The following FSTL5 variants were observed in gnomAD, a reference collection of about 807,000 sequenced individuals.
The protein encoded by FSTL5 is follistatin-related protein 5.
In FSTL5, 62 loss-of-function variants were observed where a neutral mutation model predicts 89.1. That is an observed-to-expected ratio of 0.70 (90% CI 0.57 to 0.86). The LOEUF (loss-of-function observed/expected upper bound fraction) is 0.86. FSTL5 is among the 40% of genes least tolerant of loss of function. The pLI, the probability that FSTL5 is intolerant of heterozygous loss-of-function variation, is 0.00. For missense variants in FSTL5, 1,057 were observed against 1,001.6 expected, an observed-to-expected ratio of 1.06 and a Z score of -0.75; for synonymous variants, 383 against 346.2, an observed-to-expected ratio of 1.11 and a Z score of -1.18.
chr4:162,080,826 GC>G (rs1730063196), intron 2 of FSTL5, among the ~76,000 whole-genome samples: 1 of 151,494 alleles, frequency 6.6e-6, no homozygotes, highest in South Asian at 2.1e-4. Context: ...AAATACAGGT[GC>G]TTCTAAAGCA....
intron 11 of FSTL5, among the ~76,000 whole-genome samples, chr4:161,500,992 C>T (rs1018578181): frequency 1.3e-5 from 2 of 152,082 alleles, no homozygotes; most frequent in Non-Finnish European, 2.9e-5. Context: ...TCTTGTAATC[C>T]TTCCTTTTCT....
At chr4:161,420,032 G>A (rs1731927025) in intron 15 of FSTL5, among the ~76,000 whole-genome samples, 1 of 152,234 alleles carries the variant, frequency 6.6e-6, no homozygotes, top group Admixed American at 6.5e-5. Flanking sequence ...ACAGGAAACT[G>A]CTGCTCTGCA....
At chr4:161,429,749 A>T (rs1053014145) in intron 15 of FSTL5, among the ~76,000 whole-genome samples, 3 of 152,198 alleles carry the variant, frequency 2.0e-5, no homozygotes, top group African/African-American at 7.2e-5. Flanking sequence ...CCCAAGAAGG[A>T]TAGTACGAAG....
intron 7 of FSTL5, among the ~76,000 whole-genome samples, chr4:161,597,718 TA>T (rs1734076653): frequency 6.6e-6 from 1 of 150,974 alleles, no homozygotes; most frequent in African/African-American, 2.4e-5. Context: ...TTGTCCTGAG[TA>T]GATACTTGTA....
At position 161,581,286 on chromosome 4, in the gene FSTL5, C is replaced by T. The variant is rs1428980886; in HGVS notation, c.1015+6169G>A. ...GCCTTTAAAACATGTCGCTGTTGCTCCTTGTGCATGAACCACAGTTTGACA... is the reference window on the plus strand; with the variant it reads ...GCCTTTAAAACATGTCGCTGTTGCTTCTTGTGCATGAACCACAGTTTGACA... On this transcript the variant is annotated intron_variant, in intron 8 of 15. Coordinates refer to ENST00000306100, the MANE Select transcript of FSTL5 (RefSeq NM_020116.5). Among the ~76,000 whole-genome samples the T allele has an allele frequency of 5.9e-5, 9 of 152,180 alleles. No individual in the cohort carries two copies. In the South Asian group the frequency reaches 1.2e-3, roughly 21 times the overall value.
At chr4:161,914,669 C>T (rs1733791173) in intron 4 of FSTL5, among the ~76,000 whole-genome samples, 1 of 152,004 alleles carries the variant, frequency 6.6e-6, no homozygotes, top group Admixed American at 6.6e-5. Flanking sequence ...TGATCACCAC[C>T]AATTAGCCTA....
intron 6 of FSTL5, among the ~76,000 whole-genome samples, chr4:161,750,336 G>A (rs1740353233): frequency 6.6e-6 from 1 of 152,064 alleles, no homozygotes; most frequent in African/African-American, 2.4e-5. Flanking sequence ...ATCCAATTGA[G>A]ATATGCTGTA....
In FSTL5 at chr4:161,455,112, C is replaced by T; in HGVS notation, c.1733G>A (p.Ser578Asn). ...SPTLQVITLA[S>N]GNVPHHTIHT... Reference sequence around the variant, plus strand: ...GATCGTGTGGTGAGGCACATTCCCACTGGCCAGGGTAATTACCTAAAGAGA... The same window carrying T: ...GATCGTGTGGTGAGGCACATTCCCATTGGCCAGGGTAATTACCTAAAGAGA... Residue 578 changes from serine to asparagine, a missense_variant, in exon 15 of 16, where the codon AGT becomes AAT. Around this residue, in one of 3 missense-constraint regions of FSTL5, gnomAD observed 980 missense variants for 903.2 expected, o/e 1.08. Coordinates refer to ENST00000306100, the MANE Select transcript of FSTL5 (RefSeq NM_020116.5). 1 of 1,608,746 alleles carries T rather than the reference C, an allele frequency of 6.2e-7. No homozygotes were observed. The highest frequency in any genetic ancestry group is 8.5e-7 in the Non-Finnish European group (1 of 1,177,834).
rs1171119599 is a variant in FSTL5 at position 161,986,081 on chromosome 4, C to A, written c.160+47544G>T. Among the ~76,000 whole-genome samples the A allele has an allele frequency of 4.6e-5, 7 of 152,098 alleles. No individual in the cohort carries two copies. In the South Asian group the frequency reaches 1.5e-3, roughly 32 times the overall value. On this transcript the variant is annotated intron_variant, in intron 3 of 15. Coordinates refer to ENST00000306100, the MANE Select transcript of FSTL5 (RefSeq NM_020116.5). ...AATGTGACTATATTCCTCCTATGTT[C>A]CCACAGACCCTTACACCTAAAGTAA...
intron 5 of FSTL5, among the ~76,000 whole-genome samples, chr4:161,769,213 A>T (rs2126798307): frequency 6.6e-6 from 1 of 152,122 alleles, no homozygotes; most frequent in South Asian, 2.1e-4. Context: ...TCCTTCAGCA[A>T]AAATAAGACT....
chr4:161,900,848 C>T (rs564148121), intron 4 of FSTL5, among the ~76,000 whole-genome samples: 31 of 151,962 alleles, frequency 2.0e-4, no homozygotes, highest in Non-Finnish European at 2.9e-4. Flanking sequence ...AGGATTATTA[C>T]GCTTATTACC....
chr4:161,887,427 C>CTATCTATCTATCT (rs1553976602), intron 4 of FSTL5, among the ~76,000 whole-genome samples: 2 of 24,666 alleles, frequency 8.1e-5, no homozygotes, highest in Admixed American at 4.8e-4. Flanking sequence ...ATCTATCTAT[C>CTATCTATCTATCT]ATCTATCTAC....
intron 15 of FSTL5, among the ~76,000 whole-genome samples, chr4:161,434,922 A>G (rs1487596299): frequency 6.6e-6 from 1 of 152,048 alleles, no homozygotes; most frequent in Non-Finnish European, 1.5e-5. Flanking sequence ...ACAGGCAATA[A>G]CTAATGCTGA....
chr4:161,406,427 C>G (rs1731379024), intron 15 of FSTL5, among the ~76,000 whole-genome samples: 1 of 152,098 alleles, frequency 6.6e-6, no homozygotes, highest in Non-Finnish European at 1.5e-5. Flanking sequence ...TGCTCTGTAG[C>G]TTAATAAGTC....
At chr4:161,648,424 T>C (rs1736225798) in intron 7 of FSTL5, among the ~76,000 whole-genome samples, 1 of 152,124 alleles carries the variant, frequency 6.6e-6, no homozygotes, top group South Asian at 2.1e-4. Flanking sequence ...GCACACCCTG[T>C]TAAGTGGACA....
intron 6 of FSTL5, among the ~76,000 whole-genome samples, chr4:161,686,297 T>C (rs1314224789): frequency 8.0e-6 from 1 of 125,232 alleles, no homozygotes; most frequent in Non-Finnish European, 1.6e-5. Flanking sequence ...TCCCTCTTTC[T>C]CCTTTGCCAT....
chr4:161,527,719 T>C (rs1477984617), intron 10 of FSTL5, among the ~76,000 whole-genome samples: 1 of 151,696 alleles, frequency 6.6e-6, no homozygotes, highest in African/African-American at 2.4e-5. Flanking sequence ...AGTTCAACCA[T>C]TGTGGAAGTC....
intron 2 of FSTL5, among the ~76,000 whole-genome samples, chr4:162,097,771 C>A (rs1579025118): frequency 6.6e-6 from 1 of 151,830 alleles, no homozygotes; most frequent in Non-Finnish European, 1.5e-5. Flanking sequence ...ATGGATAATA[C>A]TACACACTCT....
At chr4:161,785,617 G>A (rs1256141749) in intron 4 of FSTL5, among the ~76,000 whole-genome samples, 1 of 152,148 alleles carries the variant, frequency 6.6e-6, no homozygotes, top group Non-Finnish European at 1.5e-5. Context: ...GCAGCTATAT[G>A]AGAAATGTAT....
Sources: gnomAD v4.1 joint callset for allele counts (sites outside exome capture counted in the v4.1 genomes callset) on GRCh38, gnomAD v4.1.1 for gene constraint, gnomAD v4.1.1 regional missense constraint, MANE v1.5 for transcripts, NCBI Gene and HGNC (gene_info 2026-07-23, HGNC 2026-07-21) for gene names.